DIP2B: variants seen among roughly 807,000 people sequenced by gnomAD.
The protein encoded by DIP2B is DIP2 acetate--CoA ligase B (putative), also known as disco-interacting protein 2 homolog B.
In DIP2B, 76 loss-of-function variants were observed where a neutral mutation model predicts 198.0. The ratio of observed to expected loss-of-function variants is 0.38; its 90% CI spans 0.32 to 0.46. The LOEUF is 0.46. Ranked by LOEUF, DIP2B falls within the 20% of genes least tolerant of loss-of-function variation. DIP2B has a pLI of 0.99. For synonymous variants in DIP2B, 701 were observed against 739.1 expected, an observed-to-expected ratio of 0.95 and a Z score of 0.84; for missense variants, 1,559 against 1,978.4, an observed-to-expected ratio of 0.79 and a Z score of 4.02.
intron 15 of DIP2B, 65 bp downstream of exon 15, chr12:50,695,425 A>G (rs916704988): frequency 1.3e-6 from 2 of 1,495,554 alleles, no homozygotes; most frequent in South Asian, 1.1e-5. Flanking sequence ...CAGGGATTTC[A>G]GAGATTTTCA....
chr12:50,685,530 C>A (rs1939116942), intron 10 of DIP2B, among the ~76,000 whole-genome samples: 2 of 152,104 alleles, frequency 1.3e-5, no homozygotes, highest in African/African-American at 2.4e-5. Flanking sequence ...ATTTAATTTG[C>A]TGGAAACTAA....
chr12:50,717,896 C>CTTTTTTTTT (rs60627093), intron 23 of DIP2B, among the ~76,000 whole-genome samples: 9 of 87,060 alleles, frequency 1.0e-4, no homozygotes, highest in Non-Finnish European at 1.9e-4. Context: ...CCATTATTCA[C>CTTTTTTTTT]TTTTTTTTTT....
At chr12:50,519,663 T>A (rs6580758) in intron 1 of DIP2B, among the ~76,000 whole-genome samples, 143,596 of 152,194 alleles carry the variant, frequency 0.94, 68,316 homozygotes, top group East Asian at 1. Flanking sequence ...GGTTATTGAT[T>A]CTGGGTTGTA....
At chr12:50,573,591 A>G (rs1019020235) in intron 1 of DIP2B, among the ~76,000 whole-genome samples, 2 of 152,232 alleles carry the variant, frequency 1.3e-5, no homozygotes, top group Admixed American at 6.5e-5. Flanking sequence ...AGAAAAGCCC[A>G]TTGTAGCACT....
intron 4 of DIP2B, among the ~76,000 whole-genome samples, chr12:50,669,880 C>T (rs1232026729): frequency 6.6e-6 from 1 of 152,168 alleles, no homozygotes; most frequent in African/African-American, 2.4e-5. Context: ...AGAACATGAA[C>T]CTACAGTGTC....
In DIP2B at chr12:50,747,748, G is replaced by A. The variant is rs1310082609; in HGVS notation, c.*2909G>A. ...ATGTCTGTGGAAAAAAACTAAACAAGTCTCTGTCTCAGTTAAGAGAAATCT... is the reference window on the plus strand; with the variant it reads ...ATGTCTGTGGAAAAAAACTAAACAAATCTCTGTCTCAGTTAAGAGAAATCT... On this transcript the variant is annotated 3_prime_UTR_variant, in exon 38 of 38. Coordinates refer to ENST00000301180, the MANE Select transcript of DIP2B (RefSeq NM_173602.3). The A allele has an allele frequency of 6.6e-6, 1 of 152,176 alleles. No individual in the cohort carries two copies. The highest frequency in any genetic ancestry group is 2.4e-5 in the African/African-American group (1 of 41,446). The allele number at this position is 152,176 out of a possible 1,614,324, so 9.4% of individuals were successfully genotyped here.
At chr12:50,658,015 C>T (rs12228139) in intron 3 of DIP2B, among the ~76,000 whole-genome samples, 3 of 150,802 alleles carry the variant, frequency 2.0e-5, no homozygotes, top group African/African-American at 7.3e-5. Context: ...CTTCGGGAGA[C>T]TGAGGCGGGT....
intron 4 of DIP2B, among the ~76,000 whole-genome samples, chr12:50,665,481 G>A (rs894467323): frequency 1.2e-4 from 19 of 152,156 alleles, no homozygotes; most frequent in Non-Finnish European, 2.1e-4. Context: ...CGCGACTCAT[G>A]CCTATAATCC....
chr12:50,528,211 G>T (rs754611375), intron 1 of DIP2B, among the ~76,000 whole-genome samples: 6 of 151,316 alleles, frequency 4.0e-5, no homozygotes, highest in Non-Finnish European at 7.4e-5. Flanking sequence ...ATAGACGTGA[G>T]CCACTGTGCC....
intron 1 of DIP2B, among the ~76,000 whole-genome samples, chr12:50,625,398 C>A (rs1273616954): frequency 6.6e-6 from 1 of 152,106 alleles, no homozygotes; most frequent in Admixed American, 6.5e-5. Flanking sequence ...TTAAATTTAA[C>A]TTTGTGGAAA....
chr12:50,699,158 A>G lies in DIP2B; in HGVS notation c.2281A>G (p.Met761Val), dbSNP rs373039267. ...EICVSSRTGGMMYFGLAGVTK... is the reference protein window; with the variant it reads ...EICVSSRTGGVMYFGLAGVTK... ...CTGTGTTAGCTCCAGAACTGGAGGCATGATGTACTTTGGGCTTGCTGGTGT... is the reference window on the plus strand; with the variant it reads ...CTGTGTTAGCTCCAGAACTGGAGGCGTGATGTACTTTGGGCTTGCTGGTGT... The change falls in exon 19 of 38, where the codon ATG becomes GTG. Residue 761 changes from methionine (M) to valine (V), a missense_variant. Coordinates refer to ENST00000301180, the MANE Select transcript of DIP2B (RefSeq NM_173602.3). The G allele has an allele frequency of 1.6e-5, 26 of 1,614,104 alleles. No individual in the cohort carries two copies. Among genetic ancestry groups the G allele is most frequent in the Admixed American group, 5.0e-5 (3 of 60,004 alleles).
At chr12:50,529,498 G>A (rs543107417) in intron 1 of DIP2B, among the ~76,000 whole-genome samples, 6 of 152,280 alleles carry the variant, frequency 3.9e-5, no homozygotes, top group African/African-American at 9.6e-5. Context: ...TCATTGAAGC[G>A]TGTTTGAGGA....
chr12:50,553,529 A>G (rs898405232), intron 1 of DIP2B, among the ~76,000 whole-genome samples: 21 of 152,214 alleles, frequency 1.4e-4, no homozygotes, highest in African/African-American at 5.1e-4. Flanking sequence ...ATAAGGTACG[A>G]CTGAATTAAG....
At chr12:50,710,884 C>A (rs1939603224) in intron 22 of DIP2B, among the ~76,000 whole-genome samples, 1 of 152,172 alleles carries the variant, frequency 6.6e-6, no homozygotes, top group African/African-American at 2.4e-5. Context: ...CGGGGCAGAT[C>A]TCTGAAAGAT....
chr12:50,652,041 G>A (rs1002142322), intron 3 of DIP2B, among the ~76,000 whole-genome samples: 5 of 152,052 alleles, frequency 3.3e-5, no homozygotes, highest in Non-Finnish European at 7.4e-5. Flanking sequence ...TTAGCTGGGT[G>A]CAGTGGTTCA....
intron 20 of DIP2B, among the ~76,000 whole-genome samples, chr12:50,704,685 C>T (rs1410845470): frequency 3.9e-5 from 6 of 152,132 alleles, no homozygotes; most frequent in Non-Finnish European, 8.8e-5. Flanking sequence ...ACAGTTTGGG[C>T]CGGGTGTGGT....
intron 13 of DIP2B, among the ~76,000 whole-genome samples, chr12:50,691,459 G>C (rs1939220846): frequency 6.6e-6 from 1 of 152,026 alleles, no homozygotes; most frequent in African/African-American, 2.4e-5. Context: ...CTGTATAGTG[G>C]GCTACCAGCT....
intron 1 of DIP2B, among the ~76,000 whole-genome samples, chr12:50,621,223 T>A (rs1448561679): frequency 1.3e-5 from 2 of 152,250 alleles, no homozygotes; most frequent in African/African-American, 2.4e-5. Flanking sequence ...TTCTGTCTGG[T>A]CTTGCCCTCT....
rs1419859314 is a variant in DIP2B at position 50,734,148 on chromosome 12, C to G, written c.3995C>G (p.Pro1332Arg). ...GTCTTTCTTTAGGGAACCTCAGGGCCTGATCCGACTACTGTGTATGTGGAT... is the reference window on the plus strand; with the variant it reads ...GTCTTTCTTTAGGGAACCTCAGGGCGTGATCCGACTACTGTGTATGTGGAT... ...VAICLQGTSG[P>R]DPTTVYVDLK... Residue 1332 changes from proline (P) to arginine (R), a missense_variant, in exon 33 of 38, where the codon CCT (proline) becomes CGT (arginine). Physicochemically the swap from Pro to Arg is moderately radical, Grantham distance 103 (BLOSUM62 -2). Coordinates refer to ENST00000301180, the MANE Select transcript of DIP2B (RefSeq NM_173602.3). 3.1e-6 allele frequency: 5 copies of G among 1,614,020 alleles called. No homozygotes were observed. Among genetic ancestry groups the G allele is most frequent in the Non-Finnish European group, 4.2e-6 (5 of 1,180,030 alleles).
Sources: allele counts gnomAD v4.1 joint callset (sites outside exome capture counted in the v4.1 genomes callset), GRCh38; gene constraint gnomAD v4.1.1; transcripts MANE v1.5; gene names NCBI Gene and HGNC (gene_info 2026-07-23, HGNC 2026-07-21).